SNX10: variants seen among roughly 807,000 people sequenced by gnomAD.
SNX10 encodes sorting nexin-10.
A neutral mutation model predicts 28.5 loss-of-function variants in SNX10; 25 were observed. The ratio of observed to expected loss-of-function variants is 0.88; its 90% CI spans 0.64 to 1.22. The LOEUF (loss-of-function observed/expected upper bound fraction) is 1.22, where lower values mean the gene tolerates loss of function less well. SNX10 is among the 50% of genes most tolerant of loss of function. The pLI, the probability that SNX10 is intolerant of heterozygous loss-of-function variation, is 0.00. For synonymous variants in SNX10, 62 were observed against 81.4 expected, an observed-to-expected ratio of 0.76 and a Z score of 1.28; for missense variants, 223 against 242.6, an observed-to-expected ratio of 0.92 and a Z score of 0.54.
chr7:26,334,009 A>C (rs1288753113), intron 1 of SNX10, among the ~76,000 whole-genome samples: 2 of 152,136 alleles, frequency 1.3e-5, no homozygotes, highest in African/African-American at 4.8e-5. Context: ...AATCACTAAT[A>C]CCACTCCCCC....
chr7:26,348,339 G>C (rs1788469846), intron 2 of SNX10, among the ~76,000 whole-genome samples: 1 of 152,212 alleles, frequency 6.6e-6, no homozygotes, highest in Non-Finnish European at 1.5e-5. Flanking sequence ...GTTCCCACAG[G>C]ACTGCCCTTG....
intron 1 of SNX10, among the ~76,000 whole-genome samples, chr7:26,322,510 C>T (rs1357814776): frequency 4.6e-5 from 7 of 152,194 alleles, no homozygotes; most frequent in Non-Finnish European, 8.8e-5. Context: ...AAAACTTGGT[C>T]ATAGACCTAA....
At chr7:26,335,936 G>T (rs562835082) in intron 1 of SNX10, among the ~76,000 whole-genome samples, 11 of 151,316 alleles carry the variant, frequency 7.3e-5, no homozygotes, top group African/African-American at 1.2e-4. Context: ...GTAGAGACGG[G>T]GTTTCACCGT....
At chr7:26,326,227 G>T (rs2128002304) in intron 1 of SNX10, among the ~76,000 whole-genome samples, 1 of 152,176 alleles carries the variant, frequency 6.6e-6, no homozygotes, top group East Asian at 1.9e-4. Context: ...AAAAAGGAGA[G>T]AACTAAATAC....
chr7:26,338,796 CA>C (rs1788054099), intron 1 of SNX10, among the ~76,000 whole-genome samples: 1 of 152,004 alleles, frequency 6.6e-6, no homozygotes, highest in Non-Finnish European at 1.5e-5. Context: ...GTAGGGGGGT[CA>C]AAATGAGGTT....
chr7:26,329,328 ACTGTTTTGTCC>A (rs1451376426), intron 1 of SNX10, among the ~76,000 whole-genome samples: 1 of 151,984 alleles, frequency 6.6e-6, no homozygotes, highest in Non-Finnish European at 1.5e-5. Context: ...CCTTCCCCAG[ACTGTTTTGTCC>A]CTGGTTTCCT....
intron 1 of SNX10, among the ~76,000 whole-genome samples, chr7:26,332,719 A>G (rs1182353285): frequency 6.6e-6 from 1 of 152,122 alleles, no homozygotes; most frequent in Non-Finnish European, 1.5e-5. Context: ...ACAAAATGGT[A>G]TTTGATCCAT....
At chr7:26,293,348 G>A (rs1055376519) in intron 1 of SNX10, among the ~76,000 whole-genome samples, 1 of 151,960 alleles carries the variant, frequency 6.6e-6, no homozygotes, top group African/African-American at 2.4e-5. Context: ...CCACAGGTGC[G>A]GGCCACCACA....
At chr7:26,314,160 A>C (rs1407329660) in intron 1 of SNX10, among the ~76,000 whole-genome samples, 2 of 152,126 alleles carry the variant, frequency 1.3e-5, no homozygotes, top group Non-Finnish European at 2.9e-5. Flanking sequence ...TCTTTTTAAA[A>C]AAGTTATTCC....
At chr7:26,343,942 C>T (rs552440953) in intron 1 of SNX10, among the ~76,000 whole-genome samples, 1 of 152,280 alleles carries the variant, frequency 6.6e-6, no homozygotes, top group Non-Finnish European at 1.5e-5. Context: ...CACTTAGTCC[C>T]TCCATTCTTT....
In SNX10 at chr7:26,335,735, C is replaced by CTTTTTTTTTTTTTTTTTTTTT. The variant is rs57340085; in HGVS notation, c.-23-10679_-23-10659dup. ...AAAATAACCTCGCAGATGGAATATT[C>CTTTTTTTTTTTTTTTTTTTTT]TTTTTTTTTTTTTTTTTTTTTTTTT... is the stretch of plus-strand genomic sequence containing the variant. On this transcript the variant is annotated intron_variant, in intron 1 of 6. Coordinates refer to ENST00000338523, the MANE Select transcript of SNX10 (RefSeq NM_013322.3). Among the ~76,000 whole-genome samples, 7 of 84,254 alleles carry CTTTTTTTTTTTTTTTTTTTTT rather than the reference C, an allele frequency of 8.3e-5. 1 individual carries two copies. Among genetic ancestry groups the CTTTTTTTTTTTTTTTTTTTTT allele is most frequent in the Non-Finnish European group, 1.4e-4 (6 of 43,314 alleles). The allele number at this position is 84,254 out of a possible 152,430, so 55.3% of individuals were successfully genotyped here. A position where few individuals can be genotyped will look rare whatever the true frequency, so the allele number is the denominator to read the frequency against.
intron 1 of SNX10, among the ~76,000 whole-genome samples, chr7:26,299,162 A>G (rs1444652345): frequency 6.6e-6 from 1 of 152,146 alleles, no homozygotes; most frequent in Non-Finnish European, 1.5e-5. Flanking sequence ...GAGTGAGATT[A>G]GAAAGGGAAA....
intron 5 of SNX10, among the ~76,000 whole-genome samples, chr7:26,370,158 GAGGCCACAGGAAACACTCTGCTC>G (rs1306552584): frequency 6.6e-6 from 1 of 152,232 alleles, no homozygotes; most frequent in Non-Finnish European, 1.5e-5. Flanking sequence ...ACCGCTGACA[GAGGCCACAGGAAACACTCTGCTC>G]AGACTTCACA....
intron 1 of SNX10, among the ~76,000 whole-genome samples, chr7:26,342,028 CTTTT>C (rs35337348): frequency 9.0e-6 from 1 of 111,646 alleles, no homozygotes. Flanking sequence ...TTTCTTCTTT[CTTTT>C]TTTTTTTTTT....
At chr7:26,296,753 C>G (rs1786126995) in intron 1 of SNX10, among the ~76,000 whole-genome samples, 1 of 152,108 alleles carries the variant, frequency 6.6e-6, no homozygotes, top group Non-Finnish European at 1.5e-5. Context: ...TGGCTCACGC[C>G]TGTAATCTTA....
chr7:26,299,343 G>A (rs991225004), intron 1 of SNX10, among the ~76,000 whole-genome samples: 2 of 152,104 alleles, frequency 1.3e-5, no homozygotes, highest in Non-Finnish European at 2.9e-5. Context: ...TTACAGGCAT[G>A]TGCCACCACA....
intron 3 of SNX10, among the ~76,000 whole-genome samples, chr7:26,361,883 T>C (rs919794573): frequency 2.0e-5 from 3 of 152,258 alleles, no homozygotes; most frequent in Admixed American, 2.0e-4. Context: ...TAATACTCTT[T>C]GCATCTAAAC....
rs1207828051 is a variant in SNX10, at chr7:26,357,144, A to C, written c.25-3831A>C. On this transcript the variant is annotated intron_variant, in intron 2 of 6. Transcript: ENST00000338523. ...GGCCTACAGGTAATTACAATACAGC[A>C]CAGTAGGATGTGGTGAGTAGGGACT... 5.2e-6 allele frequency: 3 copies of C among 579,690 alleles called. No individual in the cohort carries two copies. In the African/African-American group the frequency reaches 5.8e-5, roughly 11 times the overall value. 35.9% of individuals were successfully genotyped at this position (579,690 alleles called of 1,614,324 possible).
intron 1 of SNX10, among the ~76,000 whole-genome samples, chr7:26,326,185 T>C (rs1299678826): frequency 6.6e-6 from 1 of 152,206 alleles, no homozygotes; most frequent in Non-Finnish European, 1.5e-5. Flanking sequence ...ACAAATTAGT[T>C]CTTCCCTTGC....
Sources: allele counts gnomAD v4.1 joint callset (sites outside exome capture counted in the v4.1 genomes callset), GRCh38; gene constraint gnomAD v4.1.1; transcripts MANE v1.5; gene names NCBI Gene and HGNC (gene_info 2026-07-23, HGNC 2026-07-21).